The following ENO1 variants were observed in gnomAD, a reference collection of about 807,000 sequenced individuals.
The protein encoded by ENO1 is enolase 1.
In ENO1, 33 loss-of-function variants were observed where a neutral mutation model predicts 46.3. That is an observed-to-expected ratio of 0.71 (90% confidence interval 0.54 to 0.95). The LOEUF (loss-of-function observed/expected upper bound fraction) is 0.95, where lower values mean the gene tolerates loss of function less well. Ranked by LOEUF, ENO1 falls within the 40% of genes least tolerant of loss-of-function variation. ENO1 has a pLI of 0.00. For synonymous variants in ENO1, 220 were observed against 216.0 expected, an observed-to-expected ratio of 1.02 and a Z score of -0.16; for missense variants, 488 against 553.3, an observed-to-expected ratio of 0.88 and a Z score of 1.18.
At chr1:8,867,560 TTTTC>T (rs1158339341) in intron 5 of ENO1, among the ~76,000 whole-genome samples, 1 of 151,950 alleles carries the variant, frequency 6.6e-6, no homozygotes, top group African/African-American at 2.4e-5. Context: ...AAATTTTTTT[TTTTC>T]TTTTTTTTTG....
intron 1 of ENO1, chr1:8,878,376 G>A (rs1042448660): frequency 2.9e-5 from 9 of 313,714 alleles, no homozygotes; most frequent in Non-Finnish European, 4.9e-5. Context: ...GGCCCAGCAC[G>A]TGCGCCTGGC....
chr1:8,867,494 T>G (rs1485120596), intron 5 of ENO1, among the ~76,000 whole-genome samples: 1 of 152,224 alleles, frequency 6.6e-6, no homozygotes, highest in East Asian at 1.9e-4. Context: ...AAAGCTCTTC[T>G]GAGTAACCAA....
At chr1:8,870,570 T>C (rs920544513) in intron 3 of ENO1, 60 bp from the exon 4 acceptor site, 11 of 1,610,054 alleles carry the variant, frequency 6.8e-6, no homozygotes, top group Admixed American at 3.3e-5. Context: ...TTGAGCAGCA[T>C]TGTTAGAGAG....
chr1:8,869,224 G>A (rs1642582169), intron 4 of ENO1, among the ~76,000 whole-genome samples: 1 of 147,260 alleles, frequency 6.8e-6, no homozygotes, highest in Non-Finnish European at 1.5e-5. Flanking sequence ...TTTCTCTAGG[G>A]GGTTAAAAAA....
At chr1:8,875,017 A>T in intron 1 of ENO1, 100 bp from the exon 2 acceptor site, 1 of 956,830 alleles carries the variant, frequency 1.0e-6, no homozygotes, top group South Asian at 1.5e-5. Context: ...ACTAGAGAGA[A>T]TCAGCACTGG....
At chr1:8,873,242 G>A (rs1449340632) in intron 2 of ENO1, among the ~76,000 whole-genome samples, 1 of 152,168 alleles carries the variant, frequency 6.6e-6, no homozygotes, top group African/African-American at 2.4e-5. Flanking sequence ...GGGGGGCTGC[G>A]CATGTGCAGA....
In ENO1 at chr1:8,867,007, G is replaced by T. The variant is rs28999082; in HGVS notation, c.444+110C>A. ...CACACTTAACAAGGGGCAGAGCTGTGCTGGGAGAGTCACATGTGTTAGGAT... is the reference window on the plus strand; with the variant it reads ...CACACTTAACAAGGGGCAGAGCTGTTCTGGGAGAGTCACATGTGTTAGGAT... On this transcript the variant is annotated intron_variant, in intron 6 of 11. Coordinates refer to ENST00000234590, the MANE Select transcript of ENO1 (RefSeq NM_001428.5). 3.2e-3 allele frequency: 4,754 copies of T among 1,484,776 alleles called. 12 individuals are homozygous for T. The highest frequency in any genetic ancestry group is 3.8e-3 in the Non-Finnish European group (4,144 of 1,100,962). The allele number at this position is 1,484,776 out of a possible 1,614,324, so 92.0% of individuals were successfully genotyped here. A position where few individuals can be genotyped will look rare whatever the true frequency, so the allele number is the denominator to read the frequency against.
In ENO1 at chr1:8,871,834, A is replaced by G. The variant is rs1287821190; in HGVS notation, c.181+57T>C. The G allele has an allele frequency of 3.8e-6, 6 of 1,577,696 alleles. No individual in the cohort carries two copies. In the East Asian group the frequency reaches 6.7e-5, roughly 18 times the overall value. ...CACCCAGAGAGGACAGGACTGGGCA[A>G]GGCCAGGAATGGGGCTGGAAGCAGG... On this transcript the variant is annotated intron_variant, in intron 3 of 11. Transcript: ENST00000234590.
rs1254538642 is a variant in ENO1, at chr1:8,866,484, A to G, written c.462T>C (p.Asn154=). ...GCTTGTTGCCAGCATGAGAACCGCC[A>G]TTGATGACATTGAACGCCTGGGGAG... ...ILPVPAFNVI[N]GGSHAGNKLA... The change falls in exon 7 of 12, where the codon AAT becomes AAC. Residue 154 remains asparagine, a synonymous_variant. Coordinates refer to ENST00000234590, the MANE Select transcript of ENO1 (RefSeq NM_001428.5). The G allele has an allele frequency of 4.3e-6, 7 of 1,614,116 alleles. No individual in the cohort carries two copies. The Admixed American group carries it at 1.0e-4, about 23-fold the overall frequency.
intron 4 of ENO1, 171 bp downstream of exon 4, chr1:8,870,281 C>T (rs1642602562): frequency 1.3e-6 from 1 of 747,250 alleles, no homozygotes; most frequent in African/African-American, 1.8e-5. Flanking sequence ...TGGGGTGAGG[C>T]AGCGGGCAGG....
At chr1:8,863,373 T>C (rs893111143) in intron 9 of ENO1, 30 bp from the exon 10 acceptor site, 4 of 1,595,060 alleles carry the variant, frequency 2.5e-6, no homozygotes, top group Non-Finnish European at 2.6e-6. Context: ...CCAGATGGCA[T>C]GATCCCATTT....
intron 3 of ENO1, chr1:8,871,368 AT>A: frequency 1.0e-6 from 1 of 992,116 alleles, no homozygotes; most frequent in Non-Finnish European, 1.2e-6. Flanking sequence ...GTCAATTTGA[AT>A]ACAGCCAGAG....
At chr1:8,864,156 A>AGCCTTGCTTCCCCCTTGACTTGCTGCTC in intron 8 of ENO1, 64 bp from the exon 9 acceptor site, 1 of 1,553,508 alleles carries the variant, frequency 6.4e-7, no homozygotes, top group Non-Finnish European at 8.9e-7. Flanking sequence ...CGCAATGCCC[A>AGCCTTGCTTCCCCCTTGACTTGCTGCTC]GCCTTGCTTC....
chr1:8,875,921 A>G (rs772510026), intron 1 of ENO1: 8 of 152,164 alleles, frequency 5.3e-5, no homozygotes, highest in Non-Finnish European at 1.0e-4. Flanking sequence ...AGGACCAGCC[A>G]ATAATGACAT....
intron 7 of ENO1, chr1:8,865,865 C>A (rs1387443338): frequency 3.0e-6 from 1 of 336,436 alleles, no homozygotes; most frequent in Non-Finnish European, 5.6e-6. Context: ...TGGAGGCAGC[C>A]CGGGATGGCA....
intron 1 of ENO1, chr1:8,878,022 C>CG (rs1186795039): frequency 6.5e-6 from 1 of 153,058 alleles, no homozygotes; most frequent in Non-Finnish European, 1.5e-5. Flanking sequence ...GGTGCCTTCT[C>CG]GGAGTTAAAT....
Position 8,863,268 on chromosome 1 carries a change from G to C in ENO1, c.1143C>G (p.Ile381Met), listed in dbSNP as rs1262089046. ...HRSGETEDTFIADLVVGLCTG... is the reference protein window; with the variant it reads ...HRSGETEDTFMADLVVGLCTG... Reference sequence around the variant, plus strand: ...TGCACAGCCCCACAACCAGGTCAGCGATGAAGGTATCTTCAGTCTCCCCCG... The same window carrying C: ...TGCACAGCCCCACAACCAGGTCAGCCATGAAGGTATCTTCAGTCTCCCCCG... Residue 381 changes from isoleucine (I) to methionine (M), a missense_variant, in exon 10 of 12, where the codon ATC becomes ATG. Ile to Met is a conservative substitution (Grantham distance 10). Transcript: ENST00000234590. 1 of 1,614,160 alleles carries C rather than the reference G, an allele frequency of 6.2e-7. No homozygotes were observed. The highest frequency in any genetic ancestry group is 2.2e-5 in the East Asian group (1 of 44,880).
At chr1:8,870,271 TG>T in intron 4 of ENO1, 180 bp downstream of exon 4, 1 of 671,186 alleles carries the variant, frequency 1.5e-6, no homozygotes, top group Non-Finnish European at 2.4e-6. Context: ...CTCCCAAAAG[TG>T]GGGTGAGGCA....
At chr1:8,871,470 G>T (rs909958998) in intron 3 of ENO1, 3 of 1,008,604 alleles carry the variant, frequency 3.0e-6, no homozygotes, top group Non-Finnish European at 3.6e-6. Flanking sequence ...TTCAGGGCAG[G>T]TCATTGGTTA....
Sources: gnomAD v4.1 joint callset for allele counts (sites outside exome capture counted in the v4.1 genomes callset) on GRCh38, gnomAD v4.1.1 for gene constraint, MANE v1.5 for transcripts, NCBI Gene and HGNC (gene_info 2026-07-23, HGNC 2026-07-21) for gene names.